ATP8A1: variants seen among roughly 807,000 people sequenced by gnomAD.
ATP8A1 encodes ATPase phospholipid transporting 8A1.
Under a neutral mutation model 177.7 loss-of-function variants are expected in ATP8A1, and 90 were observed. That is an observed-to-expected ratio of 0.51 (90% confidence interval 0.43 to 0.60). The LOEUF (loss-of-function observed/expected upper bound fraction) is 0.60. Ranked by LOEUF, ATP8A1 falls within the 20% of genes least tolerant of loss-of-function variation. ATP8A1 has a pLI of 0.00. For synonymous variants in ATP8A1, 493 were observed against 485.9 expected, an observed-to-expected ratio of 1.01 and a Z score of -0.19; for missense variants, 1,072 against 1,392.8, an observed-to-expected ratio of 0.77 and a Z score of 3.67.
intron 29 of ATP8A1, among the ~76,000 whole-genome samples, chr4:42,453,737 T>C (rs1345576484): frequency 6.6e-6 from 1 of 152,170 alleles, no homozygotes; most frequent in Admixed American, 6.5e-5. Context: ...TCAGAGACAG[T>C]ACCATGGAGC....
At chr4:42,478,757 C>T (rs1313752306) in intron 25 of ATP8A1, among the ~76,000 whole-genome samples, 1 of 152,172 alleles carries the variant, frequency 6.6e-6, no homozygotes, top group Non-Finnish European at 1.5e-5. Flanking sequence ...CTGGGTTCTT[C>T]CTTTCTGTCC....
intron 1 of ATP8A1, among the ~76,000 whole-genome samples, 192 bp downstream of exon 1, chr4:42,656,633 T>C (rs1322730918): frequency 6.6e-6 from 1 of 152,070 alleles, no homozygotes; most frequent in Non-Finnish European, 1.5e-5. Flanking sequence ...TCGAGGGTAC[T>C]GGAGCCTGGA....
Position 42,446,601 on chromosome 4 carries a change from C to T in ATP8A1, c.2940G>A (p.Leu980=), listed in dbSNP as rs373123815. ...GNGKTSDYLL[L]GNFVYTFVVI... ...CACTCACAGTGTACACAAAGTTTCCCAGTAGCAGATAATCCGAGGTTTTCC... is the reference window on the plus strand; with the variant it reads ...CACTCACAGTGTACACAAAGTTTCCTAGTAGCAGATAATCCGAGGTTTTCC... Residue 980 remains leucine (L), a synonymous_variant, in exon 31 of 37, where the codon CTG becomes CTA. Coordinates refer to ENST00000381668, the MANE Select transcript of ATP8A1 (RefSeq NM_006095.2). The T allele has an allele frequency of 3.7e-6, 6 of 1,613,932 alleles. No individual in the cohort carries two copies. Among genetic ancestry groups the T allele is most frequent in the Non-Finnish European group, 5.1e-6 (6 of 1,179,932 alleles).
chr4:42,433,881 G>T (rs914366767), intron 33 of ATP8A1, among the ~76,000 whole-genome samples: 2 of 150,064 alleles, frequency 1.3e-5, no homozygotes, highest in Non-Finnish European at 3.0e-5. Flanking sequence ...ATTAAAAAAG[G>T]TGTTTAGAGG....
chr4:42,582,506 C>T (rs1733198538), intron 9 of ATP8A1, among the ~76,000 whole-genome samples: 2 of 132,864 alleles, frequency 1.5e-5, no homozygotes. Context: ...CCCCCACACA[C>T]TCTCTCTCCC....
chr4:42,569,979 T>C (rs1364619168), intron 14 of ATP8A1, among the ~76,000 whole-genome samples: 1 of 152,214 alleles, frequency 6.6e-6, no homozygotes, highest in African/African-American at 2.4e-5. Flanking sequence ...AATATAATCA[T>C]ATACTTTTCC....
Position 42,543,985 on chromosome 4 carries a change from C to G in ATP8A1, c.1654G>C (p.Ala552Pro), listed in dbSNP as rs114187459. ...ELLNVLEFTSARKRMSVIVRT... is the reference protein window; with the variant it reads ...ELLNVLEFTSPRKRMSVIVRT... ...ACAATCACTGACATTCTTTTCCTAG[C>G]ACTGAAAGAAAGAGGTTTTGCATAA... The change falls in exon 20 of 37, where the codon GCT becomes CCT. Residue 552 changes from alanine to proline, a missense_variant and splice_region_variant. Ala to Pro is a conservative substitution (Grantham distance 27). Around this residue, in one of 5 missense-constraint regions of ATP8A1, gnomAD observed 388 missense variants for 471.7 expected, o/e 0.82. Transcript: ENST00000381668. The G allele has an allele frequency of 1.6e-5, 26 of 1,613,000 alleles. No individual in the cohort carries two copies. The highest frequency in any genetic ancestry group is 2.1e-5 in the Non-Finnish European group (25 of 1,179,404).
chr4:42,459,299 T>G (rs568858490), intron 27 of ATP8A1: 21 of 170,906 alleles, frequency 1.2e-4, no homozygotes, highest in South Asian at 2.4e-4. Context: ...GGACAGGGCA[T>G]GAAGATTGTT....
intron 33 of ATP8A1, among the ~76,000 whole-genome samples, chr4:42,424,640 G>T (rs1714376570): frequency 6.6e-6 from 1 of 152,066 alleles, no homozygotes; most frequent in South Asian, 2.1e-4. Flanking sequence ...CACATAAATA[G>T]TCCTAATCAA....
At position 42,627,001 on chromosome 4, in the gene ATP8A1, T is replaced by C. The variant is rs1295113995; in HGVS notation, c.158A>G (p.His53Arg). 3.1e-6 allele frequency: 5 copies of C among 1,613,424 alleles called. No homozygotes were observed. The highest frequency in any genetic ancestry group is 1.3e-5 in the African/African-American group (1 of 74,920). ...ATTCTTTGGTAGTTCTTACCTGACA[T>C]GGTTATTGCAGAATTTTGTCAGCTG... ...QPQLTKFCNN[H>R]VSTAKYNIIT... The change falls in exon 2 of 37, where the codon CAT (histidine) becomes CGT (arginine). Residue 53 changes from histidine (H) to arginine (R), a missense_variant. By Grantham distance (29) the His-to-Arg change is conservative (BLOSUM62 0). Coordinates refer to ENST00000381668, the MANE Select transcript of ATP8A1 (RefSeq NM_006095.2).
chr4:42,640,780 G>C (rs145303943), intron 1 of ATP8A1, among the ~76,000 whole-genome samples: 1 of 152,010 alleles, frequency 6.6e-6, no homozygotes, highest in African/African-American at 2.4e-5. Flanking sequence ...CCATCTCCTG[G>C]CCTGGCCTAG....
chr4:42,656,796 G>T (rs374731050), intron 1 of ATP8A1, 29 bp downstream of exon 1: 86 of 1,540,220 alleles, frequency 5.6e-5, no homozygotes, highest in Non-Finnish European at 6.8e-5. Context: ...CCGACCCCGG[G>T]CTAGCCCCGA....
chr4:42,483,051 G>T (rs905822807), intron 25 of ATP8A1, among the ~76,000 whole-genome samples: 1 of 152,150 alleles, frequency 6.6e-6, no homozygotes, highest in African/African-American at 2.4e-5. Context: ...TCTGAGAAAC[G>T]AGGAGTGACA....
chr4:42,592,266 C>T (rs1008990639), intron 6 of ATP8A1, among the ~76,000 whole-genome samples: 29 of 152,048 alleles, frequency 1.9e-4, no homozygotes, highest in Admixed American at 1.3e-4. Context: ...GAAACTATTT[C>T]GATAAATTGA....
At chr4:42,507,794 A>C (rs1469936850) in intron 22 of ATP8A1, among the ~76,000 whole-genome samples, 9 of 137,896 alleles carry the variant, frequency 6.5e-5, no homozygotes, top group African/African-American at 2.3e-4. Context: ...AAAAAAAAAA[A>C]AAAAAAAAAA....
intron 24 of ATP8A1, among the ~76,000 whole-genome samples, chr4:42,487,194 C>G (rs550809767): frequency 6.6e-6 from 1 of 152,192 alleles, no homozygotes; most frequent in African/African-American, 2.4e-5. Context: ...TAAAAGAACG[C>G]CTTCTATCAA....
intron 1 of ATP8A1, among the ~76,000 whole-genome samples, chr4:42,642,311 G>A (rs887061609): frequency 1.3e-5 from 2 of 152,120 alleles, no homozygotes; most frequent in African/African-American, 4.8e-5. Context: ...ACGAGACTCT[G>A]AGAATGGGTG....
At chr4:42,478,145 A>G (rs1258608805) in intron 25 of ATP8A1, among the ~76,000 whole-genome samples, 1 of 152,066 alleles carries the variant, frequency 6.6e-6, no homozygotes, top group African/African-American at 2.4e-5. Context: ...CCTTGAGCTC[A>G]GGAGTTTGAG....
chr4:42,490,794 A>T (rs2153190413), intron 24 of ATP8A1, among the ~76,000 whole-genome samples: 1 of 152,330 alleles, frequency 6.6e-6, no homozygotes, highest in Admixed American at 6.5e-5. Flanking sequence ...ACTTTCCCTG[A>T]GTCCTCCAGG....
Sources: allele counts gnomAD v4.1 joint callset (sites outside exome capture counted in the v4.1 genomes callset), GRCh38; gene constraint gnomAD v4.1.1; regional missense constraint gnomAD v4.1.1; transcripts MANE v1.5; gene names NCBI Gene and HGNC (gene_info 2026-07-23, HGNC 2026-07-21).